SYNPR: variants seen among roughly 807,000 people sequenced by gnomAD.
SYNPR encodes synaptoporin.
A neutral mutation model predicts 32.9 loss-of-function variants in SYNPR; 23 were observed. The ratio of observed to expected loss-of-function variants is 0.70; its 90% CI spans 0.50 to 0.99. The LOEUF (loss-of-function observed/expected upper bound fraction) is 0.99, where lower values mean the gene tolerates loss of function less well. Ranked by LOEUF, SYNPR falls within the 50% of genes least tolerant of loss-of-function variation. The pLI, the probability that SYNPR is intolerant of heterozygous loss-of-function variation, is 0.00. For synonymous variants in SYNPR, 146 were observed against 135.9 expected (o/e 1.07, Z -0.52); for missense variants, 318 against 349.3 (o/e 0.91, Z 0.71).
chr3:63,250,629 A>G (rs1367046827), intron 1 of SYNPR, among the ~76,000 whole-genome samples: 4 of 152,092 alleles, frequency 2.6e-5, no homozygotes, highest in Non-Finnish European at 4.4e-5. Flanking sequence ...TACACAAAAC[A>G]TTTTCTTTAA....
At chr3:63,278,938 G>A (rs1177207657) in intron 2 of SYNPR, among the ~76,000 whole-genome samples, 196 bp downstream of exon 2, 2 of 152,198 alleles carry the variant, frequency 1.3e-5, no homozygotes, top group Non-Finnish European at 2.9e-5. Context: ...CTGCTTGGAG[G>A]CGGGAGTGTG....
At chr3:63,511,847 A>G (rs1187107349) in intron 3 of SYNPR, among the ~76,000 whole-genome samples, 1 of 152,128 alleles carries the variant, frequency 6.6e-6, no homozygotes. Context: ...CTTACTTTTT[A>G]TGCTGTAGTC....
chr3:63,443,961 T>C lies in SYNPR; in HGVS notation c.85-36871T>C, dbSNP rs75335329. ...AGTTTTATAAGGTCTTATAGCAGTA[T>C]GTAGAAAGAATGAGTTTCCCCTACG... is the stretch of plus-strand genomic sequence containing the variant. On this transcript the variant is annotated intron_variant, in intron 2 of 5. Coordinates refer to ENST00000478300, the MANE Select transcript of SYNPR (RefSeq NM_001130003.2). 9.1e-3 allele frequency among the ~76,000 whole-genome samples: 1,392 copies of C among 152,338 alleles called. 29 individuals carry two copies. The highest frequency in any genetic ancestry group is 0.032 in the African/African-American group (1,334 of 41,580).
intron 2 of SYNPR, among the ~76,000 whole-genome samples, chr3:63,292,324 C>G (rs1301870153): frequency 6.6e-6 from 1 of 152,132 alleles, no homozygotes; most frequent in Non-Finnish European, 1.5e-5. Context: ...ATTAGCATAT[C>G]CATCACCTCA....
intron 3 of SYNPR, among the ~76,000 whole-genome samples, chr3:63,273,090 G>A (rs1382253402): frequency 6.6e-6 from 1 of 152,102 alleles, no homozygotes; most frequent in Non-Finnish European, 1.5e-5. Context: ...TTCTAATTGT[G>A]TTCTAGTACG....
At chr3:63,330,469 A>C (rs1408725653) in intron 2 of SYNPR, among the ~76,000 whole-genome samples, 2 of 152,038 alleles carry the variant, frequency 1.3e-5, no homozygotes, top group Middle Eastern at 3.4e-3. Context: ...TATTTATAGA[A>C]AGAGTCTCAC....
At chr3:63,245,717 G>GAGAGAGAGAC (rs2086282044) in intron 1 of SYNPR, among the ~76,000 whole-genome samples, 1 of 76,548 alleles carries the variant, frequency 1.3e-5, no homozygotes, top group Admixed American at 1.1e-4. Context: ...GAGAGTGTGT[G>GAGAGAGAGAC]TGTGTGTGTG....
intron 3 of SYNPR, among the ~76,000 whole-genome samples, chr3:63,503,766 A>T (rs184157497): frequency 6.6e-6 from 1 of 152,160 alleles, no homozygotes; most frequent in Non-Finnish European, 1.5e-5. Flanking sequence ...TAAAACTAAC[A>T]AACTAACAAA....
At chr3:63,286,358 C>T (rs6792744) in intron 2 of SYNPR, among the ~76,000 whole-genome samples, 70,532 of 151,972 alleles carry the variant, frequency 0.46, 16,553 homozygotes, top group Middle Eastern at 0.52. Flanking sequence ...ATTTCGTACA[C>T]TTGAAAGAGA....
chr3:63,262,038 AC>A (rs1376255744), intron 2 of SYNPR, among the ~76,000 whole-genome samples: 34 of 147,022 alleles, frequency 2.3e-4, no homozygotes, highest in East Asian at 1.6e-3. Context: ...AAAAAAAAAA[AC>A]AAACTCATGA....
At chr3:63,286,676 C>G (rs997095422) in intron 2 of SYNPR, among the ~76,000 whole-genome samples, 1 of 152,158 alleles carries the variant, frequency 6.6e-6, no homozygotes, top group Non-Finnish European at 1.5e-5. Flanking sequence ...TCCTTTGAGT[C>G]TTCATCTTCT....
chr3:63,596,568 A>G (rs1193501390), intron 4 of SYNPR, among the ~76,000 whole-genome samples: 1 of 152,054 alleles, frequency 6.6e-6, no homozygotes, highest in Non-Finnish European at 1.5e-5. Flanking sequence ...GGCTGCCAAC[A>G]CAGAGGGCCC....
At chr3:63,477,592 C>T (rs1700953407) in intron 2 of SYNPR, among the ~76,000 whole-genome samples, 1 of 152,180 alleles carries the variant, frequency 6.6e-6, no homozygotes, top group South Asian at 2.1e-4. Flanking sequence ...ATCTCGGCTG[C>T]CTGCTCTGGC....
chr3:63,564,950 T>G (rs6445361), intron 4 of SYNPR, among the ~76,000 whole-genome samples: 66,569 of 152,010 alleles, frequency 0.44, 15,419 homozygotes, highest in African/African-American at 0.59. Context: ...GTGCCTTTGG[T>G]GGGCTGGTGG....
intron 2 of SYNPR, among the ~76,000 whole-genome samples, chr3:63,346,701 G>A (rs1206928175): frequency 6.6e-6 from 1 of 152,086 alleles, no homozygotes; most frequent in Non-Finnish European, 1.5e-5. Flanking sequence ...TTGATCTCCT[G>A]ACCTCGTGAT....
At chr3:63,453,242 T>C (rs1245599157) in intron 2 of SYNPR, among the ~76,000 whole-genome samples, 1 of 152,168 alleles carries the variant, frequency 6.6e-6, no homozygotes, top group Non-Finnish European at 1.5e-5. Context: ...AGATTTTCTT[T>C]GCCTTTTCAG....
At chr3:63,530,552 T>C (rs182101583) in intron 3 of SYNPR, among the ~76,000 whole-genome samples, 6 of 152,330 alleles carry the variant, frequency 3.9e-5, no homozygotes, top group Admixed American at 2.6e-4. Flanking sequence ...AAGTAGCAGA[T>C]GGGAAGCATG....
chr3:63,535,564 T>C (rs1173409609), intron 3 of SYNPR, among the ~76,000 whole-genome samples: 1 of 152,172 alleles, frequency 6.6e-6, no homozygotes, highest in Non-Finnish European at 1.5e-5. Context: ...GACAGCATAG[T>C]ATTGGCATAA....
chr3:63,510,624 G>T (rs1211521349), intron 3 of SYNPR, among the ~76,000 whole-genome samples: 1 of 152,112 alleles, frequency 6.6e-6, no homozygotes, highest in African/African-American at 2.4e-5. Flanking sequence ...CTTTCCCGGA[G>T]ATTTGAATAA....
Sources: gnomAD v4.1 joint callset for allele counts (sites outside exome capture counted in the v4.1 genomes callset) on GRCh38, gnomAD v4.1.1 for gene constraint, MANE v1.5 for transcripts, NCBI Gene and HGNC (gene_info 2026-07-23, HGNC 2026-07-21) for gene names.